Variants in ME3 observed in about 807,000 individuals in gnomAD.
ME3 encodes NADP-dependent malic enzyme, mitochondrial.
A neutral mutation model predicts 68.9 loss-of-function variants in ME3; 48 were observed. That is an observed-to-expected ratio of 0.70 (90% CI 0.55 to 0.89). ME3 has a LOEUF of 0.89. Among genes scored for constraint, ME3 ranks in the 40% least tolerant of loss-of-function variants. The probability of loss-of-function intolerance (pLI) is 0.00; values close to 1 mark genes in which losing one functional copy is unlikely to be tolerated. For missense variants in ME3, 675 were observed against 797.4 expected, an observed-to-expected ratio of 0.85 and a Z score of 1.85; for synonymous variants, 320 against 318.8, an observed-to-expected ratio of 1.00 and a Z score of -0.04.
chr11:86,443,331 AT>A (rs1949112176), intron 13 of ME3, among the ~76,000 whole-genome samples: 1 of 152,200 alleles, frequency 6.6e-6, no homozygotes, highest in African/African-American at 2.4e-5. Context: ...AGGCTATGTT[AT>A]GTCTTTGTGT....
At chr11:86,501,957 A>C (rs1952753640) in intron 5 of ME3, among the ~76,000 whole-genome samples, 1 of 152,102 alleles carries the variant, frequency 6.6e-6, no homozygotes, top group East Asian at 1.9e-4. Flanking sequence ...GCATGCCCAG[A>C]TATATCACTT....
chr11:86,499,346 G>C (rs1952569425), intron 5 of ME3, among the ~76,000 whole-genome samples: 2 of 152,096 alleles, frequency 1.3e-5, no homozygotes, highest in African/African-American at 4.8e-5. Flanking sequence ...TTGTTTGTAG[G>C]CCACTCTCAC....
At chr11:86,647,092 A>C (rs1315044408) in intron 2 of ME3, among the ~76,000 whole-genome samples, 2 of 152,238 alleles carry the variant, frequency 1.3e-5, no homozygotes, top group Non-Finnish European at 2.9e-5. Flanking sequence ...AGCCACTGCA[A>C]AAACGTATCA....
At chr11:86,530,970 A>G (rs1467441781) in intron 4 of ME3, among the ~76,000 whole-genome samples, 1 of 152,154 alleles carries the variant, frequency 6.6e-6, no homozygotes, top group East Asian at 1.9e-4. Flanking sequence ...ACCAAAAGCA[A>G]TGGCAACAAA....
At chr11:86,615,325 A>G (rs1224377657) in intron 2 of ME3, among the ~76,000 whole-genome samples, 1 of 152,192 alleles carries the variant, frequency 6.6e-6, no homozygotes, top group Non-Finnish European at 1.5e-5. Context: ...AGGATTAACT[A>G]TTCAATCATG....
chr11:86,504,407 T>TTTTTTTTTTTTTTTTTTTTTTTA (rs1491166256), intron 5 of ME3, among the ~76,000 whole-genome samples: 1 of 125,524 alleles, frequency 8.0e-6, no homozygotes, highest in African/African-American at 3.2e-5. Context: ...TTTTTTTTTT[T>TTTTTTTTTTTTTTTTTTTTTTTA]GAGACAGAGT....
intron 2 of ME3, among the ~76,000 whole-genome samples, chr11:86,644,577 C>T (rs1321069619): frequency 1.3e-5 from 2 of 152,208 alleles, no homozygotes; most frequent in Non-Finnish European, 1.5e-5. Context: ...TCTCCAGACT[C>T]TACGTGATAT....
chr11:86,667,505 G>A (rs1343871809), intron 2 of ME3, among the ~76,000 whole-genome samples: 1 of 152,112 alleles, frequency 6.6e-6, no homozygotes, highest in African/African-American at 2.4e-5. Flanking sequence ...GAAGTTGAGA[G>A]GAAAGGGGCC....
intron 6 of ME3, among the ~76,000 whole-genome samples, chr11:86,497,757 A>G (rs1952454795): frequency 6.6e-6 from 1 of 152,092 alleles, no homozygotes; most frequent in Admixed American, 6.5e-5. Flanking sequence ...GGAGTGGGAG[A>G]GGGAACAGGA....
chr11:86,564,456 C>A (rs1416315189), intron 2 of ME3, among the ~76,000 whole-genome samples: 2 of 51,880 alleles, frequency 3.9e-5, no homozygotes, highest in African/African-American at 6.4e-5. Flanking sequence ...TACTACAAAG[C>A]TACAGGAAAA....
At chr11:86,638,747 T>C in intron 2 of ME3, among the ~76,000 whole-genome samples, 1 of 152,212 alleles carries the variant, frequency 6.6e-6, no homozygotes, top group East Asian at 1.9e-4. Context: ...TGTTATCCTC[T>C]TTCTACAGAT....
chr11:86,441,548 T>TA, intron 14 of ME3, 108 bp from the exon 15 acceptor site: 1 of 1,107,800 alleles, frequency 9.0e-7, no homozygotes, highest in Middle Eastern at 2.8e-4. Context: ...GAACCAGACT[T>TA]GTTTCTTTCA....
At chr11:86,566,891 G>T (rs867886609) in intron 2 of ME3, among the ~76,000 whole-genome samples, 3 of 152,040 alleles carry the variant, frequency 2.0e-5, no homozygotes, top group Non-Finnish European at 4.4e-5. Context: ...ATGTGGTGGG[G>T]TGTCAGGGGA....
intron 2 of ME3, among the ~76,000 whole-genome samples, chr11:86,608,314 G>GA (rs1290810634): frequency 6.6e-6 from 1 of 152,074 alleles, no homozygotes; most frequent in African/African-American, 2.4e-5. Flanking sequence ...GCTTAATTTA[G>GA]AAAAAATTAC....
At chr11:86,657,477 T>A (rs4462374) in intron 2 of ME3, among the ~76,000 whole-genome samples, 1 of 138,626 alleles carries the variant, frequency 7.2e-6, no homozygotes, top group Non-Finnish European at 1.5e-5. Flanking sequence ...GGAGGGGGTG[T>A]GGGGCAAGGG....
At chr11:86,607,080 G>T (rs544173625) in intron 2 of ME3, among the ~76,000 whole-genome samples, 1 of 152,148 alleles carries the variant, frequency 6.6e-6, no homozygotes, top group Non-Finnish European at 1.5e-5. Flanking sequence ...TGTTGATCTG[G>T]ATAGAGGTAC....
intron 5 of ME3, among the ~76,000 whole-genome samples, chr11:86,505,023 G>A (rs1416563884): frequency 6.6e-6 from 1 of 152,148 alleles, no homozygotes; most frequent in Non-Finnish European, 1.5e-5. Context: ...ACCCACACTG[G>A]GGGTTTCAGA....
intron 2 of ME3, among the ~76,000 whole-genome samples, chr11:86,615,450 C>G (rs1410002775): frequency 6.6e-6 from 1 of 152,174 alleles, no homozygotes; most frequent in African/African-American, 2.4e-5. Context: ...AATTAAGTTA[C>G]CTGTCCAAGA....
Position 86,646,173 on chromosome 11 carries a change from G to T in ME3, c.183+25589C>A, listed in dbSNP as rs114193317. Among the ~76,000 whole-genome samples, 1,333 of 152,284 alleles carry T rather than the reference G, an allele frequency of 8.8e-3. 27 individuals carry two copies. The highest frequency in any genetic ancestry group is 0.03 in the African/African-American group (1,247 of 41,556). On this transcript the variant is annotated intron_variant, in intron 2 of 14. Transcript: ENST00000543262. ...TCAAAAAGATCACAACTCTTTGCCA[G>T]CAAGGAAACAAAACTGGACAAAGAA...
Sources: gnomAD v4.1 joint callset for allele counts (sites outside exome capture counted in the v4.1 genomes callset) on GRCh38, gnomAD v4.1.1 for gene constraint, MANE v1.5 for transcripts, NCBI Gene and HGNC (gene_info 2026-07-23, HGNC 2026-07-21) for gene names.